Variants in CNTNAP2 observed in about 807,000 individuals in gnomAD.
CNTNAP2 encodes contactin-associated protein-like 2.
CNTNAP2 carries 98 observed loss-of-function variants against 155.2 expected under a neutral mutation model. The observed-to-expected ratio is 0.63, with a 90% CI of 0.54 to 0.75. The LOEUF is 0.75. Among genes scored for constraint, CNTNAP2 ranks in the 30% least tolerant of loss-of-function variants. The pLI, the probability that CNTNAP2 is intolerant of heterozygous loss-of-function variation, is 0.00. For missense variants in CNTNAP2, 1,727 were observed against 1,688.1 expected (o/e 1.02, Z -0.40); for synonymous variants, 651 against 631.2 (o/e 1.03, Z -0.47).
intron 9 of CNTNAP2, among the ~76,000 whole-genome samples, chr7:147,321,748 G>T (rs1795356220): frequency 6.6e-6 from 1 of 152,148 alleles, no homozygotes; most frequent in Non-Finnish European, 1.5e-5. Flanking sequence ...CAAATATTTA[G>T]CTACGGTATA....
At chr7:148,408,608 G>A (rs536387528) in intron 22 of CNTNAP2, among the ~76,000 whole-genome samples, 1 of 152,170 alleles carries the variant, frequency 6.6e-6, no homozygotes, top group Non-Finnish European at 1.5e-5. Flanking sequence ...TTAGACTAAG[G>A]TGACCTGCTT....
chr7:147,183,294 C>T (rs867848429), intron 8 of CNTNAP2, among the ~76,000 whole-genome samples: 1 of 152,226 alleles, frequency 6.6e-6, no homozygotes, highest in Non-Finnish European at 1.5e-5. Flanking sequence ...GAAAACTGGA[C>T]AGAAATAGTC....
chr7:147,973,370 A>G (rs938128863), intron 14 of CNTNAP2, among the ~76,000 whole-genome samples: 2 of 152,034 alleles, frequency 1.3e-5, no homozygotes, highest in Admixed American at 6.5e-5. Context: ...AGGCATCTTT[A>G]TACTATTTTC....
Position 148,217,363 on chromosome 7 carries a change from C to G in CNTNAP2, c.3086C>G (p.Ser1029Cys). 6.2e-7 allele frequency: 1 copy of G among 1,614,150 alleles called. No homozygotes were observed. Reference protein sequence around the residue: ...FQAPATNARDSSSRVDNAPDQ... With the variant: ...FQAPATNARDCSSRVDNAPDQ... ...GCACCAGCAACAAATGCCAGAGACT[C>G]CAGCAGCAGAGTAGACAACGCTCCC... The change falls in exon 19 of 24, where the codon TCC becomes TGC. Residue 1029 changes from serine (S) to cysteine (C), a missense_variant. Physicochemically the swap from Ser to Cys is moderately radical, Grantham distance 112. Coordinates refer to ENST00000361727, the MANE Select transcript of CNTNAP2 (RefSeq NM_014141.6).
chr7:146,448,314 C>A (rs1796430539), intron 1 of CNTNAP2, among the ~76,000 whole-genome samples: 1 of 151,918 alleles, frequency 6.6e-6, no homozygotes, highest in South Asian at 2.1e-4. Context: ...GTGGCTACTA[C>A]AATTGGGTCT....
In CNTNAP2 at chr7:147,894,965, C is replaced by CTT. The variant is rs1175962918; in HGVS notation, c.2099-8578_2099-8577dup. On this transcript the variant is annotated intron_variant, in intron 13 of 23. Transcript: ENST00000361727. ...TCTTTCTTTCTTTCTTTCTTTCTTT[C>CTT]TTTTTTTTTTTTTTTTTTTTTTTGA... Among the ~76,000 whole-genome samples, 281 of 36,150 alleles carry CTT rather than the reference C, an allele frequency of 7.8e-3. 14 individuals carry two copies. Among genetic ancestry groups the CTT allele is most frequent in the Admixed American group, 0.011 (26 of 2,394 alleles). The allele number at this position is 36,150 out of a possible 152,430, so 23.7% of individuals were successfully genotyped here.
chr7:146,208,218 T>G (rs1026828952), intron 1 of CNTNAP2, among the ~76,000 whole-genome samples: 29 of 152,148 alleles, frequency 1.9e-4, no homozygotes, highest in African/African-American at 7.0e-4. Context: ...ACTCTTTTAA[T>G]TTATGAATAA....
At chr7:146,511,591 A>G (rs1797467229) in intron 1 of CNTNAP2, among the ~76,000 whole-genome samples, 1 of 152,204 alleles carries the variant, frequency 6.6e-6, no homozygotes, top group African/African-American at 2.4e-5. Context: ...TACAGATTTA[A>G]ATATGTTGAA....
rs528532879 is a variant in CNTNAP2, at chr7:146,245,637, G to A, written c.97+128664G>A. ...GGGATTGAGGTTTGGGAGATTAATC[G>A]GATACGATCAGCAAGGAAAGCACGT... On this transcript the variant is annotated intron_variant, in intron 1 of 23. Coordinates refer to ENST00000361727, the MANE Select transcript of CNTNAP2 (RefSeq NM_014141.6). Among the ~76,000 whole-genome samples, 189 of 152,098 alleles carry A rather than the reference G, an allele frequency of 1.2e-3. 1 individual carries two copies. Among genetic ancestry groups the A allele is most frequent in the African/African-American group, 4.2e-3 (174 of 41,410 alleles).
chr7:148,351,007 G>T (rs184936823), intron 21 of CNTNAP2, among the ~76,000 whole-genome samples: 1 of 152,240 alleles, frequency 6.6e-6, no homozygotes, highest in Non-Finnish European at 1.5e-5. Context: ...TCCAGGTGCT[G>T]GAGAGATACA....
intron 9 of CNTNAP2, among the ~76,000 whole-genome samples, chr7:147,320,264 C>T (rs1057411017): frequency 1.3e-5 from 2 of 152,160 alleles, no homozygotes; most frequent in South Asian, 4.1e-4. Context: ...CTACACATAT[C>T]CTGTCAGCCA....
intron 1 of CNTNAP2, among the ~76,000 whole-genome samples, chr7:146,405,050 G>C (rs1371042635): frequency 6.6e-6 from 1 of 152,098 alleles, no homozygotes; most frequent in Non-Finnish European, 1.5e-5. Context: ...TTAGCCAGCA[G>C]AGACTTCCCT....
intron 18 of CNTNAP2, among the ~76,000 whole-genome samples, chr7:148,205,593 A>G (rs1795436626): frequency 6.6e-6 from 1 of 152,252 alleles, no homozygotes; most frequent in African/African-American, 2.4e-5. Flanking sequence ...AATGCATCTT[A>G]TAACATTTTC....
intron 15 of CNTNAP2, among the ~76,000 whole-genome samples, chr7:148,062,518 C>A: frequency 6.6e-6 from 1 of 151,838 alleles, no homozygotes. Context: ...AGGTTTCCAC[C>A]AATATAATTT....
At chr7:147,207,150 A>G (rs763430389) in intron 8 of CNTNAP2, among the ~76,000 whole-genome samples, 2 of 152,210 alleles carry the variant, frequency 1.3e-5, no homozygotes, top group Non-Finnish European at 2.9e-5. Flanking sequence ...GTTGTCAGGA[A>G]CTCTGGAAAA....
At chr7:146,166,019 T>A (rs1374840462) in intron 1 of CNTNAP2, among the ~76,000 whole-genome samples, 1 of 152,176 alleles carries the variant, frequency 6.6e-6, no homozygotes, top group Non-Finnish European at 1.5e-5. Flanking sequence ...TATAGGTTTA[T>A]TTTGTTACTT....
intron 3 of CNTNAP2, among the ~76,000 whole-genome samples, chr7:146,840,176 C>T (rs937241012): frequency 6.6e-6 from 1 of 152,070 alleles, no homozygotes; most frequent in South Asian, 2.1e-4. Flanking sequence ...ATCAATAAGA[C>T]CAGAATCACG....
intron 3 of CNTNAP2, among the ~76,000 whole-genome samples, chr7:146,906,041 C>CA (rs1162129133): frequency 6.6e-6 from 1 of 152,166 alleles, no homozygotes; most frequent in Non-Finnish European, 1.5e-5. Context: ...AAAGGGGTGA[C>CA]GGACGCACCT....
intron 15 of CNTNAP2, among the ~76,000 whole-genome samples, chr7:148,010,529 A>G (rs1802059271): frequency 6.6e-6 from 1 of 151,644 alleles, no homozygotes. Context: ...ATGGAACTCA[A>G]TTTTTTTAAT....
Sources: gnomAD v4.1 joint callset for allele counts (sites outside exome capture counted in the v4.1 genomes callset) on GRCh38, gnomAD v4.1.1 for gene constraint, MANE v1.5 for transcripts, NCBI Gene and HGNC (gene_info 2026-07-23, HGNC 2026-07-21) for gene names.